Variants in ME3 observed in about 807,000 individuals in gnomAD.
The protein encoded by ME3 is NADP-dependent malic enzyme, mitochondrial.
Under a neutral mutation model 68.9 loss-of-function variants are expected in ME3, and 48 were observed. The observed-to-expected ratio is 0.70, with a 90% CI of 0.55 to 0.89. The LOEUF (loss-of-function observed/expected upper bound fraction) is 0.89. ME3 is among the 40% of genes least tolerant of loss of function. ME3 has a pLI of 0.00. For synonymous variants in ME3, 320 were observed against 318.8 expected (o/e 1.00, Z -0.04); for missense variants, 675 against 797.4 (o/e 0.85, Z 1.85).
In ME3 at chr11:86,494,694, A is replaced by G. The variant is rs1340601560; in HGVS notation, c.705+3269T>C. Among the ~76,000 whole-genome samples the G allele has an allele frequency of 8.1e-5, 12 of 148,180 alleles. No homozygotes were observed. The East Asian group carries it at 2.3e-3, about 29-fold the overall frequency. On this transcript the variant is annotated intron_variant, in intron 6 of 14. Coordinates refer to ENST00000543262, the Ensembl canonical transcript of ME3. ...AAGGAGAAGCAGACGCTTTGAGTAGATGTGACACGCGACTCATTAAAGTGA... is the reference window on the plus strand; with the variant it reads ...AAGGAGAAGCAGACGCTTTGAGTAGGTGTGACACGCGACTCATTAAAGTGA...
intron 6 of ME3, among the ~76,000 whole-genome samples, chr11:86,488,695 C>T (rs1451883449): frequency 6.6e-6 from 1 of 152,190 alleles, no homozygotes; most frequent in African/African-American, 2.4e-5. Context: ...TCAGTGGACT[C>T]ATTCATGCAT....
intron 5 of ME3, among the ~76,000 whole-genome samples, chr11:86,505,828 C>T (rs193085485): frequency 3.7e-4 from 56 of 152,300 alleles, no homozygotes; most frequent in African/African-American, 1.3e-3. Context: ...GGACTGATCT[C>T]CAGGTTTCTT....
At chr11:86,639,851 A>C (rs1043313021) in intron 2 of ME3, among the ~76,000 whole-genome samples, 2 of 152,222 alleles carry the variant, frequency 1.3e-5, no homozygotes, top group African/African-American at 4.8e-5. Context: ...AGAAGGGCAG[A>C]TAATTGGGAC....
At chr11:86,596,626 A>C (rs1959501424) in intron 2 of ME3, among the ~76,000 whole-genome samples, 1 of 152,202 alleles carries the variant, frequency 6.6e-6, no homozygotes, top group Non-Finnish European at 1.5e-5. Context: ...TTCATGTAGA[A>C]TCATGAGGTG....
intron 4 of ME3, among the ~76,000 whole-genome samples, chr11:86,519,330 G>T (rs1594265356): frequency 6.6e-6 from 1 of 152,154 alleles, no homozygotes; most frequent in Non-Finnish European, 1.5e-5. Flanking sequence ...TCAGTTACAC[G>T]AGAGAGAAAG....
At chr11:86,556,950 A>G (rs1238250339) in intron 3 of ME3, among the ~76,000 whole-genome samples, 1 of 152,142 alleles carries the variant, frequency 6.6e-6, no homozygotes, top group Admixed American at 6.5e-5. Context: ...AAAACTTCCA[A>G]TGGCTTGTGA....
chr11:86,475,810 T>C (rs1934448801), intron 7 of ME3, among the ~76,000 whole-genome samples: 2 of 148,928 alleles, frequency 1.3e-5, no homozygotes, highest in African/African-American at 5.0e-5. Flanking sequence ...ATGAGAATTC[T>C]AAGATACAGA....
chr11:86,631,340 A>G (rs1312244531), intron 2 of ME3, among the ~76,000 whole-genome samples: 2 of 152,044 alleles, frequency 1.3e-5, no homozygotes, highest in Non-Finnish European at 2.9e-5. Flanking sequence ...GCTCATTAGG[A>G]GGGATAGAAA....
intron 4 of ME3, among the ~76,000 whole-genome samples, chr11:86,535,981 C>T (rs1955623508): frequency 6.6e-6 from 1 of 152,204 alleles, no homozygotes; most frequent in Non-Finnish European, 1.5e-5. Context: ...AAATTTGTCT[C>T]CTGACCACTG....
At chr11:86,522,224 T>C (rs1954370173) in intron 4 of ME3, among the ~76,000 whole-genome samples, 1 of 149,710 alleles carries the variant, frequency 6.7e-6, no homozygotes, top group South Asian at 2.1e-4. Context: ...CACTCCAGCC[T>C]GGGTGACAGA....
intron 2 of ME3, among the ~76,000 whole-genome samples, chr11:86,600,422 C>T (rs1340943812): frequency 6.6e-6 from 1 of 152,080 alleles, no homozygotes; most frequent in Non-Finnish European, 1.5e-5. Flanking sequence ...TATATATGCA[C>T]CCAATACAGG....
At chr11:86,586,831 A>G (rs1018326253) in intron 2 of ME3, among the ~76,000 whole-genome samples, 1 of 152,106 alleles carries the variant, frequency 6.6e-6, no homozygotes. Context: ...CAACCTCCAT[A>G]TGAGAGGGGT....
chr11:86,437,405 A>C (rs1948903968), downstream of ME3: 1 of 152,108 alleles, frequency 6.6e-6, no homozygotes, highest in African/African-American at 2.4e-5. Context: ...CTTGACATTG[A>C]ATAGGGCACT....
At chr11:86,436,653 A>G (rs1047088248), downstream of ME3, 2 of 152,076 alleles carry the variant, frequency 1.3e-5, no homozygotes, top group Non-Finnish European at 2.9e-5. Context: ...TAGGTCTGTG[A>G]TCCATTTCAG....
chr11:86,436,042 C>T, the ME3 span: 1 of 152,212 alleles, frequency 6.6e-6, no homozygotes, highest in Non-Finnish European at 1.5e-5. Flanking sequence ...GGTGCAACCA[C>T]AGCATCCACT....
At chr11:86,563,128 C>T (rs913721216) in intron 2 of ME3, among the ~76,000 whole-genome samples, 4 of 152,116 alleles carry the variant, frequency 2.6e-5, no homozygotes, top group African/African-American at 9.7e-5. Context: ...CAGTGATGAA[C>T]ATACAAGTGC....
chr11:86,483,551 A>G (rs1256662796), intron 7 of ME3, among the ~76,000 whole-genome samples: 2 of 152,132 alleles, frequency 1.3e-5, no homozygotes, highest in Admixed American at 1.3e-4. Flanking sequence ...GAGAGAATGA[A>G]TGAATGAATG....
intron 2 of ME3, among the ~76,000 whole-genome samples, chr11:86,667,293 C>CA (rs397972102): frequency 4.9e-4 from 75 of 151,856 alleles, no homozygotes; most frequent in African/African-American, 1.6e-3. Flanking sequence ...AATTTCGTGG[C>CA]AAAAAAAATC....
At chr11:86,567,225 G>C (rs1235695469) in intron 2 of ME3, among the ~76,000 whole-genome samples, 1 of 123,022 alleles carries the variant, frequency 8.1e-6, no homozygotes, top group Non-Finnish European at 1.7e-5. Flanking sequence ...CAGAAAGAAA[G>C]AAAGAAAGAA....
Sources: gnomAD v4.1 joint callset for allele counts (sites outside exome capture counted in the v4.1 genomes callset) on GRCh38, gnomAD v4.1.1 for gene constraint, MANE v1.5 for transcripts, NCBI Gene and HGNC (gene_info 2026-07-23, HGNC 2026-07-21) for gene names.